The following BAHCC1 variants were observed in gnomAD, a reference collection of about 807,000 sequenced individuals.
BAHCC1 encodes the protein BAH domain and coiled-coil containing 1.
In BAHCC1, 43 loss-of-function variants were observed where a neutral mutation model predicts 88.2. The observed-to-expected ratio is 0.49, with a 90% CI of 0.38 to 0.63. BAHCC1 has a LOEUF of 0.63. Ranked by LOEUF, BAHCC1 falls within the 20% of genes least tolerant of loss-of-function variation. The pLI, the probability that BAHCC1 is intolerant of heterozygous loss-of-function variation, is 0.00. For synonymous variants in BAHCC1, 1,510 were observed against 745.5 expected, an observed-to-expected ratio of 2.03 and a Z score of -16.71; for missense variants, 3,023 against 1,654.8, an observed-to-expected ratio of 1.83 and a Z score of -14.34.
intron 26 of BAHCC1, among the ~76,000 whole-genome samples, chr17:81,462,257 G>A (rs1179439476): frequency 6.6e-6 from 1 of 152,240 alleles, no homozygotes; most frequent in Non-Finnish European, 1.5e-5. Context: ...CGTGGCCTGC[G>A]TGACAGTAGA....
chr17:81,418,789 G>A (rs567242089), intron 2 of BAHCC1, among the ~76,000 whole-genome samples: 87 of 63,380 alleles, frequency 1.4e-3, no homozygotes, highest in African/African-American at 5.4e-3. Context: ...GTGTGTGTAC[G>A]TGTGTGCGTG....
At chr17:81,430,748 C>T (rs1393632612) in intron 3 of BAHCC1, among the ~76,000 whole-genome samples, 1 of 152,120 alleles carries the variant, frequency 6.6e-6, no homozygotes, top group Admixed American at 6.6e-5. Context: ...TCCTCCCAGA[C>T]CCCTTCAGCT....
At chr17:81,444,233 T>G in intron 6 of BAHCC1, 148 bp from the exon 7 acceptor site, 1 of 615,022 alleles carries the variant, frequency 1.6e-6, no homozygotes. Context: ...CCCTCCCAGG[T>G]TGATGGCAGG....
chr17:81,399,704 C>A lies in BAHCC1; in HGVS notation c.-36C>A. On this transcript the variant is annotated 5_prime_UTR_variant, in exon 2 of 28. Transcript: ENST00000675386. This position sits in a 1 kb window ranked among gnomAD's most constrained non-coding sequence, Gnocchi z 4.5. Reference sequence around the variant, plus strand: ...CCCCCGGGCCCCGGCCGCGCTGCTCCGAGGAAGCGGCGGCGGACCGGGGCC... The same window carrying A: ...CCCCCGGGCCCCGGCCGCGCTGCTCAGAGGAAGCGGCGGCGGACCGGGGCC... 6.9e-6 allele frequency: 7 copies of A among 1,010,136 alleles called. No individual in the cohort carries two copies. Among genetic ancestry groups the A allele is most frequent in the Non-Finnish European group, 8.2e-6 (7 of 848,488 alleles). The allele number at this position is 1,010,136 out of a possible 1,614,324, so 62.6% of individuals were successfully genotyped here. A position where few individuals can be genotyped will look rare whatever the true frequency, so the allele number is the denominator to read the frequency against.
In BAHCC1 at chr17:81,462,809, C is replaced by T. The variant is rs782433970; in HGVS notation, c.7453C>T (p.Arg2485Cys). 6.4e-6 allele frequency: 5 copies of T among 780,216 alleles called. No homozygotes were observed. Among genetic ancestry groups the T allele is most frequent in the African/African-American group, 3.4e-5 (2 of 59,156 alleles). 48.3% of individuals were successfully genotyped at this position (780,216 alleles called of 1,614,324 possible). ...KAIVRGEETLRVGDCAVFLSA... is the reference protein window; with the variant it reads ...KAIVRGEETLCVGDCAVFLSA... The stretch of plus-strand genomic sequence containing the variant: ...CATCGTGCGGGGCGAGGAGACCCTG[C>T]GTGTCGGGGACTGTGCCGTCTTCCT... The change falls in exon 27 of 28, where the codon CGT (arginine) becomes TGT (cysteine). Residue 2485 changes from arginine (R) to cysteine (C), a missense_variant. Transcript: ENST00000675386.
At chr17:81,462,652 C>T in intron 26 of BAHCC1, 88 bp from the exon 27 acceptor site, 1 of 677,240 alleles carries the variant, frequency 1.5e-6, no homozygotes, top group Admixed American at 2.2e-5. Context: ...ACACTCACAC[C>T]CACACCACAC....
In BAHCC1 at chr17:81,461,010, C is replaced by G; in HGVS notation, c.6347C>G (p.Pro2116Arg). The G allele has an allele frequency of 1.3e-6, 1 of 773,200 alleles. No homozygotes were observed. The highest frequency in any genetic ancestry group is 2.4e-6 in the Non-Finnish European group (1 of 417,124). 47.9% of individuals were successfully genotyped at this position (773,200 alleles called of 1,614,324 possible). The part of the protein sequence containing the change: ...RKAVAAASKG[P>R]GVLQNLFQLN... ...GCGGTGGCAGCGGCCAGCAAGGGGCCGGGGGTGCTGCAGAACCTCTTCCAG... is the reference window on the plus strand; with the variant it reads ...GCGGTGGCAGCGGCCAGCAAGGGGCGGGGGGTGCTGCAGAACCTCTTCCAG... The change falls in exon 26 of 28, where the codon CCG becomes CGG. Residue 2116 changes from proline to arginine, a missense_variant. Physicochemically the swap from Pro to Arg is moderately radical, Grantham distance 103. Transcript: ENST00000675386.
In BAHCC1 at chr17:81,442,143, G is replaced by A. The variant is rs1555652664; in HGVS notation, c.794G>A (p.Gly265Asp). 1.5e-5 allele frequency: 10 copies of A among 660,610 alleles called. 1 individual carries two copies. The Middle Eastern group carries it at 1.3e-3, about 89-fold the overall frequency. 40.9% of individuals were successfully genotyped at this position (660,610 alleles called of 1,614,324 possible). Residue 265 changes from glycine to aspartate, a missense_variant, in exon 5 of 28, where the codon GGC (glycine) becomes GAC (aspartate). Coordinates refer to ENST00000675386, the MANE Select transcript of BAHCC1 (RefSeq NM_001377448.1). Reference sequence around the variant, plus strand: ...CCAGCCGACGGGCACTGCAGGGAGGGCGGCCCCGCACCCCGAGGGGCCTGC... The same window carrying A: ...CCAGCCGACGGGCACTGCAGGGAGGACGGCCCCGCACCCCGAGGGGCCTGC... ...PVPADGHCREGGPAPRGACEG... is the reference protein window; with the variant it reads ...PVPADGHCREDGPAPRGACEG...
rs371445776 is a variant in BAHCC1 at position 81,442,635 on chromosome 17, T to C, written c.1286T>C (p.Met429Thr). 11 of 776,516 alleles carry C rather than the reference T, an allele frequency of 1.4e-5. No individual in the cohort carries two copies. Among genetic ancestry groups the C allele is most frequent in the Admixed American group, 8.5e-5 (5 of 58,750 alleles). 48.1% of individuals were successfully genotyped at this position (776,516 alleles called of 1,614,324 possible). ...AAGGACCGGCACCTGGAGGGAACCA[T>C]GGCCCCCGACCACGCTGCACCCTAT... ...EGKDRHLEGT[M>T]APDHAAPYGV... The change falls in exon 5 of 28, where the codon ATG becomes ACG. Residue 429 changes from methionine to threonine, a missense_variant. Coordinates refer to ENST00000675386, the MANE Select transcript of BAHCC1 (RefSeq NM_001377448.1).
intron 2 of BAHCC1, among the ~76,000 whole-genome samples, chr17:81,403,932 G>A (rs548628123): frequency 6.5e-4 from 99 of 152,348 alleles, no homozygotes; most frequent in Admixed American, 2.5e-3. Flanking sequence ...TGATTATCCC[G>A]GTACGGAGCC....
In BAHCC1 at chr17:81,456,551, A is replaced by T; in HGVS notation, c.4824A>T (p.Pro1608=). The change falls in exon 16 of 28, where the codon CCA becomes CCT. Residue 1608 remains proline, a synonymous_variant. Transcript: ENST00000675386. ...GCAGCCGGGAGACACCCAGGTGCCC[A>T]GCCCAGCCCTCCGTGGCTGCGTCCC... ...GHGSRETPRC[P]AQPSVAASQE... 1.4e-6 allele frequency: 1 copy of T among 712,102 alleles called. No individual in the cohort carries two copies. 44.1% of individuals were successfully genotyped at this position (712,102 alleles called of 1,614,324 possible). A position where few individuals can be genotyped will look rare whatever the true frequency, so the allele number is the denominator to read the frequency against.
rs1202511885 is a variant in BAHCC1 at position 81,411,413 on chromosome 17, T to C, written c.178+11496T>C. ...GGCTCCATCCTCCACTGCATTCAAA[T>C]TGATCAGGGAGGGTGGGGTTGGGGG... On this transcript the variant is annotated intron_variant, in intron 2 of 27. Transcript: ENST00000675386. The surrounding 1 kb of genome is among the most constrained non-coding windows in gnomAD (Gnocchi z 6.2). The C allele has an allele frequency of 1.4e-5, 5 of 351,112 alleles. No homozygotes were observed. The highest frequency in any genetic ancestry group is 1.1e-4 in the African/African-American group (5 of 45,756). The allele number at this position is 351,112 out of a possible 1,614,324, so 21.7% of individuals were successfully genotyped here. A position where few individuals can be genotyped will look rare whatever the true frequency, so the allele number is the denominator to read the frequency against.
chr17:81,428,256 A>G (rs1252600562), intron 3 of BAHCC1, among the ~76,000 whole-genome samples: 1 of 152,194 alleles, frequency 6.6e-6, no homozygotes, highest in East Asian at 1.9e-4. Context: ...CCTGGCTCAT[A>G]TGCCCCACCC....
chr17:81,409,915 C>A (rs781948187), intron 2 of BAHCC1: 7 of 185,726 alleles, frequency 3.8e-5, no homozygotes, highest in Non-Finnish European at 8.4e-5. Flanking sequence ...CCCGGGAGAG[C>A]ACCTGGCCTC....
chr17:81,396,060 G>A (rs1472792335), intron 1 of BAHCC1: 1 of 152,244 alleles, frequency 6.6e-6, no homozygotes, highest in African/African-American at 2.4e-5. Context: ...CGTGCGCCCA[G>A]TTCTGGGTGA....
chr17:81,445,706 C>T (rs1555654180), intron 10 of BAHCC1, 25 bp downstream of exon 10: 4 of 716,272 alleles, frequency 5.6e-6, no homozygotes, highest in Non-Finnish European at 1.0e-5. Context: ...CTGGCCCGGC[C>T]CACTGTGCTC....
intron 3 of BAHCC1, 84 bp from the exon 4 acceptor site, chr17:81,438,286 G>C: frequency 1.3e-6 from 1 of 749,538 alleles, no homozygotes; most frequent in Non-Finnish European, 2.5e-6. Context: ...GCTGCCTGCC[G>C]GCTTCTTGCC....
At chr17:81,404,051 G>A (rs191792802) in intron 2 of BAHCC1, among the ~76,000 whole-genome samples, 69 of 152,316 alleles carry the variant, frequency 4.5e-4, no homozygotes, top group African/African-American at 1.5e-3. Context: ...GAAAACGCGC[G>A]TCCCCCCAAA....
rs782485542 is a variant in BAHCC1 at position 81,443,028 on chromosome 17, T to A, written c.1679T>A (p.Ile560Asn). ...GCCGCCGAGGTGGAGCAGGGGGGCATTGGGGCTGAGGCCAAGCGCAAGTCC... is the reference window on the plus strand; with the variant it reads ...GCCGCCGAGGTGGAGCAGGGGGGCAATGGGGCTGAGGCCAAGCGCAAGTCC... ...LMAAEVEQGGIGAEAKRKSLE... is the reference protein window; with the variant it reads ...LMAAEVEQGGNGAEAKRKSLE... Residue 560 changes from isoleucine to asparagine, a missense_variant, in exon 5 of 28, where the codon ATT (isoleucine) becomes AAT (asparagine). Ile to Asn is a moderately radical substitution (Grantham distance 149, BLOSUM62 -3). Coordinates refer to ENST00000675386, the MANE Select transcript of BAHCC1 (RefSeq NM_001377448.1). 6 of 778,322 alleles carry A rather than the reference T, an allele frequency of 7.7e-6. No individual in the cohort carries two copies. In the Admixed American group the frequency reaches 1.0e-4, roughly 13 times the overall value. 48.2% of individuals were successfully genotyped at this position (778,322 alleles called of 1,614,324 possible). A position where few individuals can be genotyped will look rare whatever the true frequency, so the allele number is the denominator to read the frequency against.
Sources: gnomAD v4.1 joint callset for allele counts (sites outside exome capture counted in the v4.1 genomes callset) on GRCh38, gnomAD v4.1.1 for gene constraint, Gnocchi (gnomAD v3.1) non-coding constraint, MANE v1.5 for transcripts, NCBI Gene and HGNC (gene_info 2026-07-23, HGNC 2026-07-21) for gene names.